CRK: variants seen among roughly 807,000 people sequenced by gnomAD.
The protein encoded by CRK is CRK proto-oncogene, adaptor protein, also known as adapter molecule crk.
A neutral mutation model predicts 29.8 loss-of-function variants in CRK; 4 were observed. The ratio of observed to expected loss-of-function variants is 0.13; its 90% CI spans 0.07 to 0.31. The LOEUF is 0.31. Ranked by LOEUF, CRK falls within the 10% of genes least tolerant of loss-of-function variation. CRK has a pLI of 1.00. For missense variants in CRK, 274 were observed against 396.5 expected (o/e 0.69, Z 2.62); for synonymous variants, 153 against 164.9 (o/e 0.93, Z 0.55).
chr17:1,434,761 C>T (rs962962255), intron 2 of CRK, among the ~76,000 whole-genome samples: 3 of 125,078 alleles, frequency 2.4e-5, no homozygotes, highest in Admixed American at 2.1e-4. Flanking sequence ...CCAGCCTGGG[C>T]GATGGAGTGA....
At chr17:1,441,410 TCTCAAA>T (rs2073934128) in intron 1 of CRK, among the ~76,000 whole-genome samples, 1 of 151,772 alleles carries the variant, frequency 6.6e-6, no homozygotes, top group Non-Finnish European at 1.5e-5. Flanking sequence ...CTCACCGCAG[TCTCAAA>T]CTCCTGGGCT....
chr17:1,439,139 A>G (rs559315212), intron 1 of CRK, among the ~76,000 whole-genome samples: 1 of 152,282 alleles, frequency 6.6e-6, no homozygotes, highest in South Asian at 2.1e-4. Context: ...TCTGTCCCCC[A>G]GGCTGGCGTG....
chr17:1,453,148 C>T (rs1436006746), intron 1 of CRK, among the ~76,000 whole-genome samples: 1 of 152,092 alleles, frequency 6.6e-6, no homozygotes, highest in Non-Finnish European at 1.5e-5. Flanking sequence ...AAATGGGGTA[C>T]AACATGGCAG....
intron 2 of CRK, among the ~76,000 whole-genome samples, chr17:1,430,845 A>G (rs529859435): frequency 4.0e-5 from 6 of 151,334 alleles, no homozygotes; most frequent in Non-Finnish European, 8.9e-5. Flanking sequence ...AGGTGGGTGG[A>G]TCACGAGGTC....
chr17:1,428,521 CTTTTTTTTTTT>C (rs754259440), intron 2 of CRK, among the ~76,000 whole-genome samples: 2 of 111,198 alleles, frequency 1.8e-5, no homozygotes, highest in Non-Finnish European at 3.5e-5. Context: ...CATATCAGAT[CTTTTTTTTTTT>C]TTTTTTTTTG....
chr17:1,423,375 T>C lies in CRK; in HGVS notation c.*138A>G, dbSNP rs2073746301. On this transcript the variant is annotated 3_prime_UTR_variant, in exon 3 of 3. Transcript: ENST00000300574. The stretch of plus-strand genomic sequence containing the variant: ...TAAGACTAGGAATGGAGCAGTTCAG[T>C]CTAAAAAATATCACAGGTAACAGAA... The C allele has an allele frequency of 9.4e-7, 1 of 1,065,244 alleles. No homozygotes were observed. The highest frequency in any genetic ancestry group is 1.6e-5 in the African/African-American group (1 of 62,002). The allele number at this position is 1,065,244 out of a possible 1,614,324, so 66.0% of individuals were successfully genotyped here.
intron 2 of CRK, among the ~76,000 whole-genome samples, chr17:1,426,973 AGT>A (rs1424866080): frequency 1.4e-5 from 2 of 139,000 alleles, no homozygotes; most frequent in African/African-American, 2.6e-5. Flanking sequence ...CAGAGATTGC[AGT>A]GAGCCAAGAT....
At chr17:1,430,795 C>G (rs1379987618) in intron 2 of CRK, among the ~76,000 whole-genome samples, 3 of 151,802 alleles carry the variant, frequency 2.0e-5, no homozygotes, top group African/African-American at 7.3e-5. Context: ...TGGCCGGGCG[C>G]TGTGGCTCAT....
intron 1 of CRK, among the ~76,000 whole-genome samples, chr17:1,445,358 C>T (rs114261888): frequency 0.014 from 2,099 of 152,244 alleles, 43 homozygotes; most frequent in African/African-American, 0.047. Context: ...CAGCTTAAAA[C>T]AGTGAACAGC....
At chr17:1,450,755 G>T (rs532817278) in intron 1 of CRK, among the ~76,000 whole-genome samples, 1 of 151,886 alleles carries the variant, frequency 6.6e-6, no homozygotes, top group African/African-American at 2.4e-5. Flanking sequence ...GCATGGTGGC[G>T]CATGCCTGTA....
rs1350529488 is a variant in CRK at position 1,455,750 on chromosome 17, C to A, written c.241+127G>T. 20 of 1,294,620 alleles carry A rather than the reference C, an allele frequency of 1.5e-5. No individual in the cohort carries two copies. In the Middle Eastern group the frequency reaches 1.1e-3, roughly 73 times the overall value. The allele number at this position is 1,294,620 out of a possible 1,614,324, so 80.2% of individuals were successfully genotyped here. A position where few individuals can be genotyped will look rare whatever the true frequency, so the allele number is the denominator to read the frequency against. On this transcript the variant is annotated intron_variant, in intron 1 of 2. Coordinates refer to ENST00000300574, the MANE Select transcript of CRK (RefSeq NM_016823.4). ...GAGCGAGCCCGAGCAGCCGGCGGGC[C>A]CCTGCCACGGTCACCCAGCCCTCTG...
chr17:1,445,695 A>C (rs2063187), intron 1 of CRK, among the ~76,000 whole-genome samples: 21,906 of 152,060 alleles, frequency 0.14, 2,071 homozygotes, highest in African/African-American at 0.26. Context: ...GAAACTGTTT[A>C]GGACAGGGTC....
intron 1 of CRK, among the ~76,000 whole-genome samples, chr17:1,444,271 C>T (rs1370824824): frequency 6.6e-6 from 1 of 151,788 alleles, no homozygotes; most frequent in East Asian, 2.0e-4. Flanking sequence ...GTAGCTGGGA[C>T]CATAGGTGTG....
rs116740194 is a variant in CRK, at chr17:1,449,055, C to T, written c.241+6822G>A. ...CGCTACCTCCAGAAGTGGCTTGGCCCAGCTGCCAGCCTGGCATGTAGCTCT... is the reference window on the plus strand; with the variant it reads ...CGCTACCTCCAGAAGTGGCTTGGCCTAGCTGCCAGCCTGGCATGTAGCTCT... On this transcript the variant is annotated intron_variant, in intron 1 of 2. Transcript: ENST00000300574. 6.2e-3 allele frequency among the ~76,000 whole-genome samples: 945 copies of T among 152,258 alleles called. 10 individuals carry two copies. Among genetic ancestry groups the T allele is most frequent in the African/African-American group, 0.021 (878 of 41,544 alleles).
Position 1,423,250 on chromosome 17 carries a change from T to A in CRK, c.*263A>T. Reference sequence around the variant, plus strand: ...CCTGAGAGAAAGGAGGCAAGATACCTATCCCTTCTGATACACACAGGCACG... The same window carrying A: ...CCTGAGAGAAAGGAGGCAAGATACCAATCCCTTCTGATACACACAGGCACG... On this transcript the variant is annotated 3_prime_UTR_variant, in exon 3 of 3. Coordinates refer to ENST00000300574, the MANE Select transcript of CRK (RefSeq NM_016823.4). 1.9e-6 allele frequency: 1 copy of A among 533,214 alleles called. No individual in the cohort carries two copies. The highest frequency in any genetic ancestry group is 3.3e-6 in the Non-Finnish European group (1 of 303,682). 33.0% of individuals were successfully genotyped at this position (533,214 alleles called of 1,614,324 possible).
chr17:1,454,057 C>T (rs572152003), intron 1 of CRK, among the ~76,000 whole-genome samples: 15 of 151,768 alleles, frequency 9.9e-5, no homozygotes, highest in Non-Finnish European at 1.3e-4. Context: ...AAAAAATTAG[C>T]TGGGCGTGGT....
At chr17:1,444,973 C>G (rs909693966) in intron 1 of CRK, among the ~76,000 whole-genome samples, 1 of 151,844 alleles carries the variant, frequency 6.6e-6, no homozygotes, top group African/African-American at 2.4e-5. Context: ...ATGGTGAAAC[C>G]CTGTCTCTAC....
chr17:1,446,992 T>C (rs187748978), intron 1 of CRK, among the ~76,000 whole-genome samples: 15 of 152,316 alleles, frequency 9.8e-5, no homozygotes, highest in African/African-American at 3.4e-4. Context: ...TATTTTTCTA[T>C]TCTGACACTG....
chr17:1,426,057 G>A (rs1462439636), intron 2 of CRK, among the ~76,000 whole-genome samples: 3 of 143,234 alleles, frequency 2.1e-5, no homozygotes, highest in African/African-American at 8.9e-5. Context: ...GTGTGGCCAA[G>A]CGTGGCCAAG....
Sources: allele counts gnomAD v4.1 joint callset (sites outside exome capture counted in the v4.1 genomes callset), GRCh38; gene constraint gnomAD v4.1.1; transcripts MANE v1.5; gene names NCBI Gene and HGNC (gene_info 2026-07-23, HGNC 2026-07-21).